Variants in SYNC observed in about 807,000 individuals in gnomAD.
The protein encoded by SYNC is syncoilin.
SYNC carries 38 observed loss-of-function variants against 49.5 expected under a neutral mutation model. The ratio of observed to expected loss-of-function variants is 0.77; its 90% CI spans 0.59 to 1.01. The LOEUF is 1.01. Ranked by LOEUF, SYNC falls within the 50% of genes least tolerant of loss-of-function variation. The pLI is 0.00. For synonymous variants in SYNC, 201 were observed against 230.8 expected (o/e 0.87, Z 1.17); for missense variants, 579 against 580.6 (o/e 1.00, Z 0.03).
chr1:32,684,071 C>A lies in SYNC; in HGVS notation c.1377G>T (p.Lys459Asn). Residue 459 changes from lysine (K) to asparagine (N), a missense_variant, in exon 4 of 5, where the codon AAG (lysine) becomes AAT (asparagine). Coordinates refer to ENST00000409190, the MANE Select transcript of SYNC (RefSeq NM_030786.3). ...LSTYKAMLLP[K>N]SLEQADAPTS... is the part of the protein sequence containing the mutation. Reference sequence around the variant, plus strand: ...TGGGAGCATCAGCCTGTTCCAGGCTCTTGGGTAGTAGCATAGCCCTTTAAA... The same window carrying A: ...TGGGAGCATCAGCCTGTTCCAGGCTATTGGGTAGTAGCATAGCCCTTTAAA... 6.2e-7 allele frequency: 1 copy of A among 1,614,024 alleles called. No homozygotes were observed. The highest frequency in any genetic ancestry group is 8.5e-7 in the Non-Finnish European group (1 of 1,180,026).
Position 32,679,967 on chromosome 1 carries a change from A to ATAT in SYNC, c.*1880_*1882dup. Reference sequence around the variant, plus strand: ...GTCTAAAGTAGCTACAGAAAGGGGAATATTATGTGTGATTATTTTTCTTCT... The same window carrying ATAT: ...GTCTAAAGTAGCTACAGAAAGGGGAATATTATTATGTGTGATTATTTTTCTTCT... On this transcript the variant is annotated 3_prime_UTR_variant, in exon 5 of 5. Transcript: ENST00000409190. 1 of 1,236,436 alleles carries ATAT rather than the reference A, an allele frequency of 8.1e-7. No individual in the cohort carries two copies. The highest frequency in any genetic ancestry group is 1.0e-6 in the Non-Finnish European group (1 of 989,610). The allele number at this position is 1,236,436 out of a possible 1,614,324, so 76.6% of individuals were successfully genotyped here. A position where few individuals can be genotyped will look rare whatever the true frequency, so the allele number is the denominator to read the frequency against.
chr1:32,688,455 A>C (rs1335105915), intron 2 of SYNC, among the ~76,000 whole-genome samples: 1 of 152,208 alleles, frequency 6.6e-6, no homozygotes, highest in African/African-American at 2.4e-5. Context: ...TTATCACTAC[A>C]GCTATTACAG....
chr1:32,701,882 T>C (rs977303486), intron 1 of SYNC, among the ~76,000 whole-genome samples: 4 of 152,176 alleles, frequency 2.6e-5, no homozygotes, highest in Admixed American at 6.5e-5. Flanking sequence ...TAGCTGTAGG[T>C]GTGGACAGCA....
chr1:32,695,621 C>G lies in SYNC; in HGVS notation c.477G>C (p.Gln159His). ...TCAGGTTCTCCTCCATGCTGGGGCT[C>G]TGCTCGGCTCTGAGGCTCTCCTCAG... Reference protein sequence around the residue: ...SNPEESLRAEQSPSMEENLSI... With the variant: ...SNPEESLRAEHSPSMEENLSI... The change falls in exon 2 of 5, where the codon CAG becomes CAC. Residue 159 changes from glutamine to histidine, a missense_variant. Gln to His is a conservative substitution (Grantham distance 24). Transcript: ENST00000409190. The G allele has an allele frequency of 6.4e-7, 1 of 1,551,616 alleles. No individual in the cohort carries two copies.
In SYNC at chr1:32,679,958, G is replaced by GA; in HGVS notation, c.*1891dup. The GA allele has an allele frequency of 7.9e-7, 1 of 1,267,846 alleles. No homozygotes were observed. The highest frequency in any genetic ancestry group is 9.9e-7 in the Non-Finnish European group (1 of 1,008,284). The allele number at this position is 1,267,846 out of a possible 1,614,324, so 78.5% of individuals were successfully genotyped here. The stretch of plus-strand genomic sequence containing the variant: ...GTAACCCAGGTCTAAAGTAGCTACA[G>GA]AAAGGGGAATATTATGTGTGATTAT... On this transcript the variant is annotated 3_prime_UTR_variant, in exon 5 of 5. Coordinates refer to ENST00000409190, the MANE Select transcript of SYNC (RefSeq NM_030786.3).
At chr1:32,694,065 T>C (rs531792369) in intron 2 of SYNC, among the ~76,000 whole-genome samples, 12 of 151,670 alleles carry the variant, frequency 7.9e-5, no homozygotes, top group Non-Finnish European at 1.5e-4. Context: ...GGTGAAACCC[T>C]GTCTCTACAA....
chr1:32,692,484 T>TA (rs1334256306), intron 2 of SYNC, among the ~76,000 whole-genome samples: 15 of 152,310 alleles, frequency 9.8e-5, no homozygotes, highest in African/African-American at 3.6e-4. Context: ...TGTGGTGGCT[T>TA]ACGCCTGTAA....
intron 2 of SYNC, among the ~76,000 whole-genome samples, chr1:32,690,370 C>A (rs890670789): frequency 9.2e-5 from 14 of 152,114 alleles, no homozygotes; most frequent in African/African-American, 2.9e-4. Flanking sequence ...CACTTTATAT[C>A]CTGCCACCAG....
intron 2 of SYNC, among the ~76,000 whole-genome samples, chr1:32,693,039 C>G (rs1431070262): frequency 6.6e-6 from 1 of 150,560 alleles, no homozygotes; most frequent in Non-Finnish European, 1.5e-5. Flanking sequence ...AAAAAACATT[C>G]AGTATTATGA....
chr1:32,696,237 G>A (rs1408294572), intron 1 of SYNC, among the ~76,000 whole-genome samples, 193 bp from the exon 2 acceptor site: 3 of 128,106 alleles, frequency 2.3e-5, no homozygotes, highest in African/African-American at 5.9e-5. Context: ...GCATCCCAGC[G>A]ACATCACCAT....
chr1:32,692,238 A>C (rs773091683), intron 2 of SYNC, among the ~76,000 whole-genome samples: 12 of 152,160 alleles, frequency 7.9e-5, no homozygotes, highest in South Asian at 2.1e-4. Flanking sequence ...AAAAAATAAT[A>C]ATCATCATCA....
chr1:32,683,066 A>C (rs996910663), intron 4 of SYNC: 21 of 151,990 alleles, frequency 1.4e-4, no homozygotes, highest in African/African-American at 4.8e-4. Flanking sequence ...AGTGGATCAC[A>C]AGGTCAGGAG....
chr1:32,689,906 A>C (rs1321165466), intron 2 of SYNC, among the ~76,000 whole-genome samples: 1 of 147,570 alleles, frequency 6.8e-6, no homozygotes, highest in Non-Finnish European at 1.5e-5. Flanking sequence ...GTGCCACTGC[A>C]CTCCAGCCTA....
Position 32,695,249 on chromosome 1 carries a change from C to G in SYNC, c.849G>C (p.Gln283His). ...GGAGCTGGGCCAGTTCCTCTGAGAG[C>G]TGGGTTGCCCTTGTAGTCAGCACTT... ...FREVLTTRAT[Q>H]LSEELAQLRD... Residue 283 changes from glutamine (Q) to histidine (H), a missense_variant, in exon 2 of 5, where the codon CAG becomes CAC. Transcript: ENST00000409190. The G allele has an allele frequency of 6.4e-7, 1 of 1,552,118 alleles. No individual in the cohort carries two copies. Among genetic ancestry groups the G allele is most frequent in the Non-Finnish European group, 8.7e-7 (1 of 1,147,196 alleles).
intron 1 of SYNC, among the ~76,000 whole-genome samples, chr1:32,697,524 C>A (rs1184076762): frequency 6.6e-6 from 1 of 151,642 alleles, no homozygotes; most frequent in Non-Finnish European, 1.5e-5. Flanking sequence ...CTCTTGAGTC[C>A]AGGAGTTTAA....
intron 1 of SYNC, among the ~76,000 whole-genome samples, chr1:32,698,126 G>A (rs1650512138): frequency 1.3e-5 from 2 of 151,246 alleles, no homozygotes; most frequent in Non-Finnish European, 2.9e-5. Context: ...GGGAGGCTAA[G>A]GCACAAGAAT....
At chr1:32,696,128 C>T in intron 1 of SYNC, 84 bp from the exon 2 acceptor site, 1 of 1,151,694 alleles carries the variant, frequency 8.7e-7, no homozygotes, top group Non-Finnish European at 1.2e-6. Flanking sequence ...TGGGCCTAGA[C>T]TACCTCAGGT....
chr1:32,702,598 A>G lies in SYNC; in HGVS notation c.53+10T>C. On this transcript the variant is annotated intron_variant, in intron 1 of 4. Coordinates refer to ENST00000409190, the MANE Select transcript of SYNC (RefSeq NM_030786.3). This position sits in a 1 kb window ranked among gnomAD's most constrained non-coding sequence, Gnocchi z 6.2. Reference sequence around the variant, plus strand: ...AGCGGGGCGGCGACGCGGGCCCGGCACTGTCCTACCTCGCGGCCTGGGCGG... The same window carrying G: ...AGCGGGGCGGCGACGCGGGCCCGGCGCTGTCCTACCTCGCGGCCTGGGCGG... The G allele has an allele frequency of 8.2e-7, 1 of 1,216,410 alleles. No homozygotes were observed. The highest frequency in any genetic ancestry group is 1.0e-6 in the Non-Finnish European group (1 of 978,772). The allele number at this position is 1,216,410 out of a possible 1,614,324, so 75.4% of individuals were successfully genotyped here. A position where few individuals can be genotyped will look rare whatever the true frequency, so the allele number is the denominator to read the frequency against.
chr1:32,681,969 G>T, intron 4 of SYNC, 109 bp from the exon 5 acceptor site: 3 of 978,032 alleles, frequency 3.1e-6, no homozygotes, highest in Non-Finnish European at 1.6e-6. Flanking sequence ...GATCAGGGAT[G>T]ACTTTCCCCT....
Sources: gnomAD v4.1 joint callset for allele counts (sites outside exome capture counted in the v4.1 genomes callset) on GRCh38, gnomAD v4.1.1 for gene constraint, Gnocchi (gnomAD v3.1) non-coding constraint, MANE v1.5 for transcripts, NCBI Gene and HGNC (gene_info 2026-07-23, HGNC 2026-07-21) for gene names.